The following SIX3 variants were observed in gnomAD, a reference collection of about 807,000 sequenced individuals.
The protein encoded by SIX3 is SIX homeobox 3.
In SIX3, 2 loss-of-function variants were observed where a neutral mutation model predicts 21.7. That is an observed-to-expected ratio of 0.09 (90% CI 0.04 to 0.29). The LOEUF is 0.29. Among genes scored for constraint, SIX3 ranks in the 10% least tolerant of loss-of-function variants. The probability of loss-of-function intolerance (pLI) is 1.00; values close to 1 mark genes in which losing one functional copy is unlikely to be tolerated. For synonymous variants in SIX3, 243 were observed against 220.6 expected, an observed-to-expected ratio of 1.10 and a Z score of -0.90; for missense variants, 347 against 480.7, an observed-to-expected ratio of 0.72 and a Z score of 2.60.
At position 44,945,880 on chromosome 2, in the gene SIX3, G is replaced by T; in HGVS notation, c.*1120G>T. 1 of 152,232 alleles carries T rather than the reference G, an allele frequency of 6.6e-6. No individual in the cohort carries two copies. Among genetic ancestry groups the T allele is most frequent in the East Asian group, 1.9e-4 (1 of 5,198 alleles). The allele number at this position is 152,232 out of a possible 1,614,324, so 9.4% of individuals were successfully genotyped here. A position where few individuals can be genotyped will look rare whatever the true frequency, so the allele number is the denominator to read the frequency against. On this transcript the variant is annotated 3_prime_UTR_variant, in exon 2 of 2. Transcript: ENST00000260653. The stretch of plus-strand genomic sequence containing the variant: ...CATGGTGGCCTGGGTTAGGAAGAGG[G>T]ACCCTGTCGCTAGCAAAAGCGGAGA...
intron 1 of SIX3, among the ~76,000 whole-genome samples, 161 bp downstream of exon 1, chr2:44,943,071 G>T (rs1666611448): frequency 6.6e-6 from 1 of 152,254 alleles, no homozygotes; most frequent in African/African-American, 2.4e-5. Context: ...GGAAGAGGGG[G>T]CCGGGCTGGC....
In SIX3 at chr2:44,941,945, C is replaced by T; in HGVS notation, c.-160C>T. ...GTGTGTGGGGTGTGGGTGTCCCTTA[C>T]GCCCTTCCTCCTCTCCCTCCTCCTC... On this transcript the variant is annotated 5_prime_UTR_variant, in exon 1 of 2. It adds an upstream start codon to the 5' untranslated region. Coordinates refer to ENST00000260653, the MANE Select transcript of SIX3 (RefSeq NM_005413.4). The T allele has an allele frequency of 1.6e-6, 1 of 635,042 alleles. No homozygotes were observed. Among genetic ancestry groups the T allele is most frequent in the Non-Finnish European group, 2.9e-6 (1 of 344,830 alleles). 39.3% of individuals were successfully genotyped at this position (635,042 alleles called of 1,614,324 possible).
At position 44,941,759 on chromosome 2, in the gene SIX3, G is replaced by T. The variant is rs1380662376; in HGVS notation, c.-346G>T. On this transcript the variant is annotated 5_prime_UTR_variant, in exon 1 of 2. Transcript: ENST00000260653. ...AGGCTGTTGTCATTAGGGCGATTGC[G>T]GTGGAATCGCTGAATCTTGACTCGG... 2 of 309,506 alleles carry T rather than the reference G, an allele frequency of 6.5e-6. No individual in the cohort carries two copies. The highest frequency in any genetic ancestry group is 1.3e-5 in the Non-Finnish European group (2 of 159,030). The allele number at this position is 309,506 out of a possible 1,614,324, so 19.2% of individuals were successfully genotyped here.
At position 44,942,993 on chromosome 2, in the gene SIX3, C is replaced by T. The variant is rs1413402195; in HGVS notation, c.806+83C>T. 4 of 1,488,606 alleles carry T rather than the reference C, an allele frequency of 2.7e-6. No individual in the cohort carries two copies. The highest frequency in any genetic ancestry group is 3.5e-6 in the Non-Finnish European group (4 of 1,126,760). The allele number at this position is 1,488,606 out of a possible 1,614,324, so 92.2% of individuals were successfully genotyped here. ...GGTTGAGATGGGGCTAGCGGAGCGGCCGCTGAGAGCCAGGGAAGCCGTGAC... is the reference window on the plus strand; with the variant it reads ...GGTTGAGATGGGGCTAGCGGAGCGGTCGCTGAGAGCCAGGGAAGCCGTGAC... On this transcript the variant is annotated intron_variant, in intron 1 of 1. Transcript: ENST00000260653. The surrounding 1 kb of genome is among the most constrained non-coding windows in gnomAD (Gnocchi z 8.4).
At position 44,945,367 on chromosome 2, in the gene SIX3, C is replaced by G. The variant is rs1457684368; in HGVS notation, c.*607C>G. The G allele has an allele frequency of 7.0e-6, 1 of 143,380 alleles. No homozygotes were observed. The highest frequency in any genetic ancestry group is 1.5e-5 in the Non-Finnish European group (1 of 66,522). The allele number at this position is 143,380 out of a possible 1,614,324, so 8.9% of individuals were successfully genotyped here. Reference sequence around the variant, plus strand: ...GGGGGAAAAAAAAAAAAAAAGAACTCCTGGAGAGGGAAATAGCAAATGTGT... The same window carrying G: ...GGGGGAAAAAAAAAAAAAAAGAACTGCTGGAGAGGGAAATAGCAAATGTGT... On this transcript the variant is annotated 3_prime_UTR_variant, in exon 2 of 2. Transcript: ENST00000260653.
In SIX3 at chr2:44,942,688, A is replaced by G; in HGVS notation, c.584A>G (p.Lys195Arg). 1.2e-6 allele frequency: 2 copies of G among 1,602,004 alleles called. No individual in the cohort carries two copies. Among genetic ancestry groups the G allele is most frequent in the Non-Finnish European group, 1.7e-6 (2 of 1,179,760 alleles). ...LGPVDKYRVR[K>R]KFPLPRTIWD... Reference sequence around the variant, plus strand: ...CCGGTGGACAAGTACCGCGTGCGCAAGAAGTTCCCGCTGCCACGCACCATC... The same window carrying G: ...CCGGTGGACAAGTACCGCGTGCGCAGGAAGTTCCCGCTGCCACGCACCATC... The change falls in exon 1 of 2, where the codon AAG becomes AGG. Residue 195 changes from lysine to arginine, a missense_variant. Transcript: ENST00000260653. This position sits in a 1 kb window ranked among gnomAD's most constrained non-coding sequence, Gnocchi z 8.4.
chr2:44,944,936 A>C lies in SIX3; in HGVS notation c.*176A>C. The C allele has an allele frequency of 1.6e-6, 1 of 623,474 alleles. No individual in the cohort carries two copies. The highest frequency in any genetic ancestry group is 1.9e-5 in the South Asian group (1 of 52,118). The allele number at this position is 623,474 out of a possible 1,614,324, so 38.6% of individuals were successfully genotyped here. A position where few individuals can be genotyped will look rare whatever the true frequency, so the allele number is the denominator to read the frequency against. On this transcript the variant is annotated 3_prime_UTR_variant, in exon 2 of 2. Coordinates refer to ENST00000260653, the MANE Select transcript of SIX3 (RefSeq NM_005413.4). ...GTCCACACACACTCCCACCCCAGCC[A>C]AAAATATATAAAAAACAAGAAAATA...
In SIX3 at chr2:44,944,784, C is replaced by T. The variant is rs1666656032; in HGVS notation, c.*24C>T. Reference sequence around the variant, plus strand: ...GATAGCCAAGGCCGCCCTCCTCCCTCTCCTTCCCCTCCTCCCCCACTCCTT... The same window carrying T: ...GATAGCCAAGGCCGCCCTCCTCCCTTTCCTTCCCCTCCTCCCCCACTCCTT... On this transcript the variant is annotated 3_prime_UTR_variant, in exon 2 of 2. Coordinates refer to ENST00000260653, the MANE Select transcript of SIX3 (RefSeq NM_005413.4). 1 of 1,545,370 alleles carries T rather than the reference C, an allele frequency of 6.5e-7. No individual in the cohort carries two copies. The highest frequency in any genetic ancestry group is 1.4e-5 in the African/African-American group (1 of 73,538).
In SIX3 at chr2:44,944,858, C is replaced by T; in HGVS notation, c.*98C>T. ...CCTCTTCCTCCTCTTCCTTCTCCTC[C>T]TCCATCCCCAGAACAAACCGAAATC... On this transcript the variant is annotated 3_prime_UTR_variant, in exon 2 of 2. Coordinates refer to ENST00000260653, the MANE Select transcript of SIX3 (RefSeq NM_005413.4). The T allele has an allele frequency of 8.5e-7, 1 of 1,170,826 alleles. No individual in the cohort carries two copies. The highest frequency in any genetic ancestry group is 1.5e-5 in the African/African-American group (1 of 65,864). 72.5% of individuals were successfully genotyped at this position (1,170,826 alleles called of 1,614,324 possible).
chr2:44,945,046 T>C lies in SIX3; in HGVS notation c.*286T>C, dbSNP rs1329975020. On this transcript the variant is annotated 3_prime_UTR_variant, in exon 2 of 2. Transcript: ENST00000260653. Reference sequence around the variant, plus strand: ...AAAGGACCCCGACGCCAACAGACAGTCAAACGCTGATGTTGCGGGCAGAAA... The same window carrying C: ...AAAGGACCCCGACGCCAACAGACAGCCAAACGCTGATGTTGCGGGCAGAAA... 3.4e-5 allele frequency: 18 copies of C among 535,214 alleles called. No individual in the cohort carries two copies. Among genetic ancestry groups the C allele is most frequent in the African/African-American group, 1.9e-5 (1 of 52,284 alleles). The allele number at this position is 535,214 out of a possible 1,614,324, so 33.2% of individuals were successfully genotyped here.
In SIX3 at chr2:44,942,779, C is replaced by T. The variant is rs771091703; in HGVS notation, c.675C>T (p.Tyr225=). 3.8e-6 allele frequency: 6 copies of T among 1,600,002 alleles called. No individual in the cohort carries two copies. The highest frequency in any genetic ancestry group is 4.2e-6 in the Non-Finnish European group (5 of 1,179,878). The change falls in exon 1 of 2, where the codon TAC becomes TAT. Residue 225 remains tyrosine, a synonymous_variant. Coordinates refer to ENST00000260653, the MANE Select transcript of SIX3 (RefSeq NM_005413.4). This position sits in a 1 kb window ranked among gnomAD's most constrained non-coding sequence, Gnocchi z 8.4. ...CTCGGAGCCTGTTGCGGGAGTGGTA[C>T]CTACAGGACCCCTACCCCAACCCCA... ...ERTRSLLREW[Y]LQDPYPNPSK...
Position 44,945,108 on chromosome 2 carries a change from A to C in SIX3, c.*348A>C. 3.1e-6 allele frequency: 1 copy of C among 326,004 alleles called. No homozygotes were observed. The highest frequency in any genetic ancestry group is 5.7e-6 in the Non-Finnish European group (1 of 174,902). The allele number at this position is 326,004 out of a possible 1,614,324, so 20.2% of individuals were successfully genotyped here. On this transcript the variant is annotated 3_prime_UTR_variant, in exon 2 of 2. Coordinates refer to ENST00000260653, the MANE Select transcript of SIX3 (RefSeq NM_005413.4). ...GTGACAATTGTATACTTTCTAGGAC[A>C]AGCACGGCTTCTCCTTTCGGTTCCC...
At chr2:44,943,316 A>G (rs1331316834) in intron 1 of SIX3, among the ~76,000 whole-genome samples, 1 of 152,204 alleles carries the variant, frequency 6.6e-6, no homozygotes, top group East Asian at 1.9e-4. Flanking sequence ...CCCGAGAGAA[A>G]TCCACTAGCG....
chr2:44,943,389 C>T (rs1483256004), intron 1 of SIX3, among the ~76,000 whole-genome samples: 1 of 152,252 alleles, frequency 6.6e-6, no homozygotes, highest in Non-Finnish European at 1.5e-5. Flanking sequence ...GGCCACTGCG[C>T]AGCGGGCCTG....
chr2:44,944,442 T>C (rs1572625208), intron 1 of SIX3, 126 bp from the exon 2 acceptor site: 3 of 1,153,618 alleles, frequency 2.6e-6, no homozygotes. Flanking sequence ...CTGCCTCTCC[T>C]CCGAGGCCAG....
chr2:44,943,689 T>A (rs538985330), intron 1 of SIX3, among the ~76,000 whole-genome samples: 15 of 152,128 alleles, frequency 9.9e-5, no homozygotes, highest in Non-Finnish European at 1.8e-4. Flanking sequence ...AAGAAGTGGA[T>A]AGGCGAAAGG....
intron 1 of SIX3, among the ~76,000 whole-genome samples, chr2:44,944,087 C>G (rs572181688): frequency 6.6e-6 from 1 of 152,210 alleles, no homozygotes; most frequent in South Asian, 2.1e-4. Context: ...TCCTTTGCCC[C>G]TTTTCTGTCT....
chr2:44,942,681 G>T lies in SIX3; in HGVS notation c.577G>T (p.Val193Leu). The T allele has an allele frequency of 6.2e-7, 1 of 1,601,306 alleles. No individual in the cohort carries two copies. Among genetic ancestry groups the T allele is most frequent in the Non-Finnish European group, 8.5e-7 (1 of 1,179,664 alleles). Residue 193 changes from valine to leucine, a missense_variant, in exon 1 of 2, where the codon GTG (valine) becomes TTG (leucine). By Grantham distance (32) the Val-to-Leu change is conservative (BLOSUM62 1). This residue lies in a region of SIX3 where 117 missense variants were observed against 205.9 expected (regional missense o/e 0.57). Transcript: ENST00000260653. This position sits in a 1 kb window ranked among gnomAD's most constrained non-coding sequence, Gnocchi z 8.4. ...RPLGPVDKYR[V>L]RKKFPLPRTI... ...ACTCGGCCCGGTGGACAAGTACCGC[G>T]TGCGCAAGAAGTTCCCGCTGCCACG...
chr2:44,944,459 T>C (rs1251446721), intron 1 of SIX3, 109 bp from the exon 2 acceptor site: 1 of 1,288,826 alleles, frequency 7.8e-7, no homozygotes, highest in Non-Finnish European at 1.1e-6. Context: ...CCAGCCTCTA[T>C]CTGAGAAGAC....
Sources: gnomAD v4.1 joint callset for allele counts (sites outside exome capture counted in the v4.1 genomes callset) on GRCh38, gnomAD v4.1.1 for gene constraint, gnomAD v4.1.1 regional missense constraint, Gnocchi (gnomAD v3.1) non-coding constraint, MANE v1.5 for transcripts, NCBI Gene and HGNC (gene_info 2026-07-23, HGNC 2026-07-21) for gene names.